Variants in PXDN observed in about 807,000 individuals in gnomAD.
The protein encoded by PXDN is peroxidasin homolog.
In PXDN, 77 loss-of-function variants were observed where a neutral mutation model predicts 140.3. The ratio of observed to expected loss-of-function variants is 0.55; its 90% confidence interval spans 0.46 to 0.66. The LOEUF (loss-of-function observed/expected upper bound fraction) is 0.66. Among genes scored for constraint, PXDN ranks in the 30% least tolerant of loss-of-function variants. The probability of loss-of-function intolerance (pLI) is 0.00; values close to 1 mark genes in which losing one functional copy is unlikely to be tolerated. For missense variants in PXDN, 1,838 were observed against 2,039.5 expected (o/e 0.90, Z 1.90); for synonymous variants, 911 against 857.4 (o/e 1.06, Z -1.09).
chr2:1,742,639 T>C (rs1365966699), intron 1 of PXDN, among the ~76,000 whole-genome samples: 1 of 152,236 alleles, frequency 6.6e-6, no homozygotes, highest in Non-Finnish European at 1.5e-5. Flanking sequence ...GTGCCATTTT[T>C]CCACTGGCTC....
At chr2:1,679,220 T>G (rs1683806910) in intron 7 of PXDN, among the ~76,000 whole-genome samples, 1 of 150,998 alleles carries the variant, frequency 6.6e-6, no homozygotes. Flanking sequence ...TGCATGTGTG[T>G]GTCTATAAAT....
chr2:1,643,487 G>A lies in PXDN; in HGVS notation c.3833C>T (p.Ala1278Val), dbSNP rs1682776426. ...TSLARILCDN[A>V]DNITRVQSDV... Reference sequence around the variant, plus strand: ...GCTCTGCACCCGGGTGATGTTGTCCGCGTTGTCGCATAGGATCCTGGCCAG... The same window carrying A: ...GCTCTGCACCCGGGTGATGTTGTCCACGTTGTCGCATAGGATCCTGGCCAG... The change falls in exon 19 of 23, where the codon GCG becomes GTG. Residue 1278 changes from alanine to valine, a missense_variant. Coordinates refer to ENST00000252804, the MANE Select transcript of PXDN (RefSeq NM_012293.3). The A allele has an allele frequency of 3.1e-6, 5 of 1,613,812 alleles. No homozygotes were observed. In the South Asian group the frequency reaches 3.3e-5, roughly 11 times the overall value.
In PXDN at chr2:1,683,952, C is replaced by T; in HGVS notation, c.488+128G>A. 8 of 1,035,656 alleles carry T rather than the reference C, an allele frequency of 7.7e-6. 1 individual carries two copies. In the South Asian group the frequency reaches 1.2e-4, roughly 16 times the overall value. 64.2% of individuals were successfully genotyped at this position (1,035,656 alleles called of 1,614,324 possible). ...TAAGTCCTATTTCCAAATTGTTAGACTAGAAATATGGATTTTATATTGAAA... is the reference window on the plus strand; with the variant it reads ...TAAGTCCTATTTCCAAATTGTTAGATTAGAAATATGGATTTTATATTGAAA... On this transcript the variant is annotated intron_variant, in intron 5 of 22. Coordinates refer to ENST00000252804, the MANE Select transcript of PXDN (RefSeq NM_012293.3).
At position 1,687,163 on chromosome 2, in the gene PXDN, A is replaced by G. The variant is rs750233782; in HGVS notation, c.416+469T>C. ...GGGAAAGAAAGGTTTTCTCCAAAATAATGTCACCACAATTGAAGAAATTCA... is the reference window on the plus strand; with the variant it reads ...GGGAAAGAAAGGTTTTCTCCAAAATGATGTCACCACAATTGAAGAAATTCA... On this transcript the variant is annotated intron_variant, in intron 4 of 22. Transcript: ENST00000252804. This position sits in a 1 kb window ranked among gnomAD's most constrained non-coding sequence, Gnocchi z 4.0. 6.6e-6 allele frequency among the ~76,000 whole-genome samples: 1 copy of G among 152,260 alleles called. No homozygotes were observed. Among genetic ancestry groups the G allele is most frequent in the African/African-American group, 2.4e-5 (1 of 41,462 alleles).
chr2:1,721,157 T>C (rs1362326103), intron 1 of PXDN, among the ~76,000 whole-genome samples: 2 of 152,146 alleles, frequency 1.3e-5, no homozygotes, highest in Non-Finnish European at 2.9e-5. Flanking sequence ...CATATCTGGG[T>C]GCAGTGGCCC....
chr2:1,665,244 AAAG>A (rs2125427157), intron 10 of PXDN, among the ~76,000 whole-genome samples, 170 bp from the exon 11 acceptor site: 1 of 152,278 alleles, frequency 6.6e-6, no homozygotes, highest in South Asian at 2.1e-4. Flanking sequence ...AGCAGAACGG[AAAG>A]AAGATGAAGG....
chr2:1,732,869 A>G (rs571312118), intron 1 of PXDN, among the ~76,000 whole-genome samples: 3 of 152,348 alleles, frequency 2.0e-5, no homozygotes, highest in Admixed American at 6.5e-5. Flanking sequence ...TATTTATTCC[A>G]CAAGTTCAAA....
rs1260001499 is a variant in PXDN at position 1,651,867 on chromosome 2, C to G, written c.2104+1761G>C. Among the ~76,000 whole-genome samples the G allele has an allele frequency of 6.6e-6, 1 of 152,206 alleles. No individual in the cohort carries two copies. The highest frequency in any genetic ancestry group is 1.9e-4 in the East Asian group (1 of 5,190). On this transcript the variant is annotated intron_variant, in intron 16 of 22. Transcript: ENST00000252804. This position sits in a 1 kb window ranked among gnomAD's most constrained non-coding sequence, Gnocchi z 4.4. ...TCTGCATTTCTCTGGAAGGTCTGAT[C>G]TTTGAGGGCAGAGGTTTTTATTTCT...
At chr2:1,680,651 G>A (rs1205886886) in intron 6 of PXDN, among the ~76,000 whole-genome samples, 1 of 152,190 alleles carries the variant, frequency 6.6e-6, no homozygotes, top group African/African-American at 2.4e-5. Flanking sequence ...CCCAGGCATC[G>A]GGTGTCGAGC....
Position 1,680,084 on chromosome 2 carries a change from TGTGTGTGTGTG to T in PXDN, c.730+98_730+108del. ...TGTCTATAAATGGTGTGTGTGTAAATGTGTGTGTGTGGTGTGTGGATGTTGTGTGTGTAGAT... is the reference window on the plus strand; with the variant it reads ...TGTCTATAAATGGTGTGTGTGTAAATGTGTGTGGATGTTGTGTGTGTAGAT... On this transcript the variant is annotated intron_variant, in intron 7 of 22. Coordinates refer to ENST00000252804, the MANE Select transcript of PXDN (RefSeq NM_012293.3). The T allele has an allele frequency of 4.0e-6, 5 of 1,250,720 alleles. No individual in the cohort carries two copies. The South Asian group carries it at 6.1e-5, about 15-fold the overall frequency. 77.5% of individuals were successfully genotyped at this position (1,250,720 alleles called of 1,614,324 possible).
chr2:1,715,756 A>T (rs1684880341), intron 1 of PXDN, among the ~76,000 whole-genome samples: 1 of 152,164 alleles, frequency 6.6e-6, no homozygotes, highest in Non-Finnish European at 1.5e-5. Flanking sequence ...CAGGTAACTC[A>T]TGGAAAGGCC....
At chr2:1,658,053 T>TCCCCC (rs1683197127) in intron 14 of PXDN, among the ~76,000 whole-genome samples, 1 of 127,714 alleles carries the variant, frequency 7.8e-6, no homozygotes, top group Non-Finnish European at 1.6e-5. Context: ...TCTCTCTCTC[T>TCCCCC]CTCTCTCTCT....
chr2:1,695,107 G>T (rs910006536), intron 1 of PXDN, among the ~76,000 whole-genome samples: 5 of 152,338 alleles, frequency 3.3e-5, no homozygotes, highest in Middle Eastern at 3.4e-3. Flanking sequence ...GAACCCACAC[G>T]CAAGCCACAG....
chr2:1,667,648 T>C (rs576062187), intron 9 of PXDN, among the ~76,000 whole-genome samples: 1 of 152,244 alleles, frequency 6.6e-6, no homozygotes, highest in South Asian at 2.1e-4. Context: ...AGCATTCCTA[T>C]ATACCAATAA....
At chr2:1,677,389 T>C (rs1169869743) in intron 7 of PXDN, among the ~76,000 whole-genome samples, 2 of 152,222 alleles carry the variant, frequency 1.3e-5, no homozygotes, top group Non-Finnish European at 2.9e-5. Flanking sequence ...CACGGGTCGC[T>C]ATTTTCACTG....
chr2:1,736,187 C>T (rs1685421797), intron 1 of PXDN, among the ~76,000 whole-genome samples: 1 of 152,206 alleles, frequency 6.6e-6, no homozygotes. Flanking sequence ...ACTAAAACTT[C>T]CTCCATAAAC....
In PXDN at chr2:1,649,803, C is replaced by T; in HGVS notation, c.2105-128G>A. 1 of 1,109,166 alleles carries T rather than the reference C, an allele frequency of 9.0e-7. No individual in the cohort carries two copies. The allele number at this position is 1,109,166 out of a possible 1,614,324, so 68.7% of individuals were successfully genotyped here. On this transcript the variant is annotated intron_variant, in intron 16 of 22. Transcript: ENST00000252804. The surrounding 1 kb of genome is among the most constrained non-coding windows in gnomAD (Gnocchi z 7.1). ...CCAGCTCATGAAACCTGTTGTGCGC[C>T]ATGCAACAAGCGCTTCCTGCTGGAA...
chr2:1,692,994 C>T, intron 2 of PXDN, 69 bp downstream of exon 2: 1 of 1,401,654 alleles, frequency 7.1e-7, no homozygotes, highest in Non-Finnish European at 9.9e-7. Flanking sequence ...ATGATGAGTT[C>T]TACCTACAGA....
At chr2:1,731,146 G>GCA (rs1685303584) in intron 1 of PXDN, among the ~76,000 whole-genome samples, 1 of 56,180 alleles carries the variant, frequency 1.8e-5, no homozygotes, top group Non-Finnish European at 3.5e-5. Context: ...TGTTGAGAGC[G>GCA]CGCGCGCACA....
Sources: allele counts gnomAD v4.1 joint callset (sites outside exome capture counted in the v4.1 genomes callset), GRCh38; gene constraint gnomAD v4.1.1; non-coding constraint Gnocchi (gnomAD v3.1); transcripts MANE v1.5; gene names NCBI Gene and HGNC (gene_info 2026-07-23, HGNC 2026-07-21).